Variants in SORL1 observed in about 807,000 individuals in gnomAD.
The protein encoded by SORL1 is sortilin related receptor 1, also known as sortilin-related receptor.
In SORL1, 127 loss-of-function variants were observed where a neutral mutation model predicts 273.7. That is an observed-to-expected ratio of 0.46 (90% CI 0.40 to 0.54). The LOEUF is 0.54. Ranked by LOEUF, SORL1 falls within the 20% of genes least tolerant of loss-of-function variation. SORL1 has a pLI of 0.00. For synonymous variants in SORL1, 1,031 were observed against 1,067.4 expected (o/e 0.97, Z 0.66); for missense variants, 2,494 against 2,846.1 (o/e 0.88, Z 2.81).
chr11:121,549,613 T>G (rs978941915), intron 14 of SORL1, among the ~76,000 whole-genome samples: 2 of 152,194 alleles, frequency 1.3e-5, no homozygotes, highest in African/African-American at 4.8e-5. Flanking sequence ...CATTGGTTGC[T>G]AGTAACTGTA....
rs988375641 is a variant in SORL1 at position 121,511,432 on chromosome 11, T to C, written c.940-1571T>C. Among the ~76,000 whole-genome samples, 5 of 152,348 alleles carry C rather than the reference T, an allele frequency of 3.3e-5. No homozygotes were observed. The East Asian group carries it at 7.7e-4, about 23-fold the overall frequency. Reference sequence around the variant, plus strand: ...CTCTATATATTCACAAAAATGTATGTGTATAGGCTGACTTAAACTAATCAT... The same window carrying C: ...CTCTATATATTCACAAAAATGTATGCGTATAGGCTGACTTAAACTAATCAT... On this transcript the variant is annotated intron_variant, in intron 6 of 47. Coordinates refer to ENST00000260197, the MANE Select transcript of SORL1 (RefSeq NM_003105.6).
chr11:121,525,246 C>T (rs950114981), intron 11 of SORL1, among the ~76,000 whole-genome samples: 6 of 152,170 alleles, frequency 3.9e-5, no homozygotes, highest in African/African-American at 7.2e-5. Flanking sequence ...TGCCTGGCTT[C>T]TGTCACACAT....
intron 2 of SORL1, among the ~76,000 whole-genome samples, chr11:121,477,401 G>C (rs1861288843): frequency 6.6e-6 from 1 of 152,188 alleles, no homozygotes; most frequent in Non-Finnish European, 1.5e-5. Flanking sequence ...TCAACAGATG[G>C]CAAAACAAAT....
intron 21 of SORL1, among the ~76,000 whole-genome samples, chr11:121,564,707 G>T (rs1211651902): frequency 6.6e-6 from 1 of 151,952 alleles, no homozygotes; most frequent in Admixed American, 6.6e-5. Context: ...CTCTGAAGTG[G>T]CTGGGATCAC....
chr11:121,491,244 G>A (rs906461213), intron 5 of SORL1, among the ~76,000 whole-genome samples: 1 of 152,180 alleles, frequency 6.6e-6, no homozygotes, highest in East Asian at 1.9e-4. Flanking sequence ...CATTCTGAAA[G>A]CAATGAGGTA....
intron 19 of SORL1, 22 bp downstream of exon 19, chr11:121,557,427 A>G: frequency 6.4e-7 from 1 of 1,562,262 alleles, no homozygotes; most frequent in Non-Finnish European, 8.8e-7. Context: ...CCCAAAAGGA[A>G]ATCAGTCTTG....
Position 121,590,305 on chromosome 11 carries a change from A to T in SORL1, c.4213+131A>T, listed in dbSNP as rs1863190503. On this transcript the variant is annotated intron_variant, in intron 30 of 47. Coordinates refer to ENST00000260197, the MANE Select transcript of SORL1 (RefSeq NM_003105.6). ...TATTTTTGTGAGAGGAGTGACTCAA[A>T]TTTTTTCTGTTCCTCTTTCTCATTT... is the stretch of plus-strand genomic sequence containing the variant. 4.7e-6 allele frequency: 4 copies of T among 844,858 alleles called. No homozygotes were observed. In the African/African-American group the frequency reaches 5.2e-5, roughly 11 times the overall value. 52.3% of individuals were successfully genotyped at this position (844,858 alleles called of 1,614,324 possible).
intron 16 of SORL1, among the ~76,000 whole-genome samples, chr11:121,551,871 G>T (rs575135739): frequency 1.3e-5 from 2 of 152,200 alleles, no homozygotes; most frequent in Non-Finnish European, 2.9e-5. Context: ...CAACAAATGA[G>T]CAGATAATAT....
chr11:121,514,135 G>T lies in SORL1; in HGVS notation c.1042-17G>T, dbSNP rs1403035881. 3 of 1,604,142 alleles carry T rather than the reference G, an allele frequency of 1.9e-6. No individual in the cohort carries two copies. Among genetic ancestry groups the T allele is most frequent in the Admixed American group, 3.5e-5 (2 of 57,552 alleles). ...ATTTGTTTTTTGACGTATCTTTTTT[G>T]ACTTTTGATTCCAAAGGAATATTAC... On this transcript the variant is annotated splice_polypyrimidine_tract_variant and intron_variant, in intron 7 of 47. Coordinates refer to ENST00000260197, the MANE Select transcript of SORL1 (RefSeq NM_003105.6).
At position 121,473,958 on chromosome 11, in the gene SORL1, T is replaced by A. The variant is rs150111202; in HGVS notation, c.402+3835T>A. Among the ~76,000 whole-genome samples the A allele has an allele frequency of 2.9e-3, 445 of 152,290 alleles. 1 individual carries two copies. The highest frequency in any genetic ancestry group is 9.9e-3 in the African/African-American group (411 of 41,556). Reference sequence around the variant, plus strand: ...AGATACTGTGCAGGATAGGACTTTCTGCTTTTGTCCCTAGAGCAGTGTGAC... The same window carrying A: ...AGATACTGTGCAGGATAGGACTTTCAGCTTTTGTCCCTAGAGCAGTGTGAC... On this transcript the variant is annotated intron_variant, in intron 2 of 47. Transcript: ENST00000260197.
chr11:121,602,313 A>AT (rs761653451), intron 32 of SORL1, among the ~76,000 whole-genome samples: 9 of 152,264 alleles, frequency 5.9e-5, no homozygotes, highest in African/African-American at 2.2e-4. Context: ...TCTATTGACA[A>AT]TTTTTTATCA....
intron 6 of SORL1, among the ~76,000 whole-genome samples, chr11:121,512,461 G>C (rs1861894558): frequency 6.6e-6 from 1 of 152,220 alleles, no homozygotes; most frequent in Non-Finnish European, 1.5e-5. Context: ...CTTCCTCAAT[G>C]AGATTATTCA....
Position 121,577,268 on chromosome 11 carries a change from G to A in SORL1, c.3461-13G>A, listed in dbSNP as rs1862945039. On this transcript the variant is annotated splice_polypyrimidine_tract_variant and intron_variant, in intron 24 of 47. Coordinates refer to ENST00000260197, the MANE Select transcript of SORL1 (RefSeq NM_003105.6). ...TTTTGTCCTCACCTCTCTGTTTATGGTCTCACCTGCAGAAATGCACCAGTG... is the reference window on the plus strand; with the variant it reads ...TTTTGTCCTCACCTCTCTGTTTATGATCTCACCTGCAGAAATGCACCAGTG... The A allele has an allele frequency of 2.5e-6, 4 of 1,574,054 alleles. No homozygotes were observed. Among genetic ancestry groups the A allele is most frequent in the Middle Eastern group, 1.7e-4 (1 of 5,866 alleles).
chr11:121,462,573 C>T (rs963560899), intron 1 of SORL1, among the ~76,000 whole-genome samples: 7 of 152,126 alleles, frequency 4.6e-5, no homozygotes, highest in Non-Finnish European at 7.4e-5. Flanking sequence ...GACCTAGAAT[C>T]GTGTTATTTT....
chr11:121,551,034 A>G (rs1185355322), intron 16 of SORL1, among the ~76,000 whole-genome samples: 6 of 152,220 alleles, frequency 3.9e-5, no homozygotes, highest in Non-Finnish European at 8.8e-5. Context: ...ACTTCTTAGG[A>G]AGTAGCTAAG....
chr11:121,517,929 A>G (rs1236400108), intron 8 of SORL1, among the ~76,000 whole-genome samples: 1 of 152,248 alleles, frequency 6.6e-6, no homozygotes, highest in Non-Finnish European at 1.5e-5. Flanking sequence ...GCTATGTGAA[A>G]TGAGCAAGTC....
intron 38 of SORL1, chr11:121,609,678 C>T (rs139504368): frequency 6.6e-6 from 1 of 152,298 alleles, no homozygotes; most frequent in African/African-American, 2.4e-5. Context: ...ATCATAATAA[C>T]GTTTTAAGAT....
Position 121,561,589 on chromosome 11 carries a change from G to A in SORL1, c.3049+1932G>A, listed in dbSNP as rs74403136. Reference sequence around the variant, plus strand: ...CTGTAGTCTCAGCTCCTCAGGAGGCGGAGGTGGGAGCATCACCTGAGCTCG... The same window carrying A: ...CTGTAGTCTCAGCTCCTCAGGAGGCAGAGGTGGGAGCATCACCTGAGCTCG... On this transcript the variant is annotated intron_variant, in intron 21 of 47. Coordinates refer to ENST00000260197, the MANE Select transcript of SORL1 (RefSeq NM_003105.6). 7.5e-4 allele frequency among the ~76,000 whole-genome samples: 114 copies of A among 151,890 alleles called. 1 individual carries two copies. In the East Asian group the frequency reaches 0.018, roughly 24 times the overall value.
intron 41 of SORL1, among the ~76,000 whole-genome samples, chr11:121,617,494 T>TA (rs1161395902): frequency 1.3e-5 from 2 of 152,094 alleles, no homozygotes; most frequent in Non-Finnish European, 2.9e-5. Context: ...GGGCAAGATT[T>TA]AAAAAATCAG....
Sources: allele counts gnomAD v4.1 joint callset (sites outside exome capture counted in the v4.1 genomes callset), GRCh38; gene constraint gnomAD v4.1.1; transcripts MANE v1.5; gene names NCBI Gene and HGNC (gene_info 2026-07-23, HGNC 2026-07-21).